ATG7: variants seen among roughly 807,000 people sequenced by gnomAD.
ATG7 encodes the protein ubiquitin-like modifier-activating enzyme ATG7.
Under a neutral mutation model 82.4 loss-of-function variants are expected in ATG7, and 70 were observed. The ratio of observed to expected loss-of-function variants is 0.85; its 90% CI spans 0.70 to 1.04. ATG7 has a LOEUF of 1.04. ATG7 is among the 50% of genes least tolerant of loss of function. ATG7 has a pLI of 0.00. For missense variants in ATG7, 792 were observed against 864.3 expected, an observed-to-expected ratio of 0.92 and a Z score of 1.05; for synonymous variants, 287 against 313.0, an observed-to-expected ratio of 0.92 and a Z score of 0.88.
intron 19 of ATG7, among the ~76,000 whole-genome samples, chr3:11,404,791 A>AG (rs2080175573): frequency 2.0e-5 from 3 of 152,106 alleles, no homozygotes. Context: ...GGGCTTGTGG[A>AG]GGGGAACTCC....
At chr3:11,346,940 C>A (rs1954644567) in intron 13 of ATG7, among the ~76,000 whole-genome samples, 1 of 152,214 alleles carries the variant, frequency 6.6e-6, no homozygotes, top group African/African-American at 2.4e-5. Context: ...CTGAAACCTT[C>A]AATCTAATTG....
At chr3:11,413,977 T>C (rs996349176) in intron 19 of ATG7, among the ~76,000 whole-genome samples, 6 of 146,596 alleles carry the variant, frequency 4.1e-5, no homozygotes, top group Non-Finnish European at 7.6e-5. Flanking sequence ...TCTAGGAATT[T>C]GTCTGTTTCA....
intron 20 of ATG7, among the ~76,000 whole-genome samples, chr3:11,553,599 C>T (rs2072052583): frequency 6.6e-6 from 1 of 152,164 alleles, no homozygotes; most frequent in African/African-American, 2.4e-5. Flanking sequence ...GGGACCTGAC[C>T]CAGAGATAGG....
chr3:11,492,852 G>T (rs1307281630), intron 20 of ATG7, among the ~76,000 whole-genome samples: 1 of 152,242 alleles, frequency 6.6e-6, no homozygotes, highest in East Asian at 1.9e-4. Flanking sequence ...AACAAACTTT[G>T]TGCAGACCCC....
intron 11 of ATG7, among the ~76,000 whole-genome samples, chr3:11,334,245 TTTA>T (rs545035756): frequency 2.6e-5 from 4 of 151,720 alleles, no homozygotes; most frequent in Non-Finnish European, 4.4e-5. Flanking sequence ...TTTCACAACA[TTTA>T]TTATTATTAT....
At chr3:11,452,800 C>A (rs772840756) in intron 20 of ATG7, among the ~76,000 whole-genome samples, 1 of 152,120 alleles carries the variant, frequency 6.6e-6, no homozygotes, top group African/African-American at 2.4e-5. Flanking sequence ...ATAATTATTG[C>A]AGATATTAGT....
At chr3:11,337,227 G>T (rs974500753) in intron 11 of ATG7, among the ~76,000 whole-genome samples, 1 of 152,164 alleles carries the variant, frequency 6.6e-6, no homozygotes, top group Non-Finnish European at 1.5e-5. Flanking sequence ...GGCCAAGGCA[G>T]GCGGATCATG....
chr3:11,438,490 C>T (rs1294930506), intron 20 of ATG7, among the ~76,000 whole-genome samples: 3 of 152,066 alleles, frequency 2.0e-5, no homozygotes, highest in South Asian at 2.1e-4. Context: ...CGCTTGAACC[C>T]GGGAGGTGGA....
intron 19 of ATG7, among the ~76,000 whole-genome samples, chr3:11,401,663 T>C (rs1480129796): frequency 6.6e-6 from 1 of 152,146 alleles, no homozygotes; most frequent in Non-Finnish European, 1.5e-5. Context: ...TCCTTCTGTT[T>C]TATAAGCCAT....
intron 14 of ATG7, chr3:11,348,376 C>A: frequency 5.0e-6 from 1 of 201,442 alleles, no homozygotes; most frequent in South Asian, 9.4e-5. Flanking sequence ...TCAGATGTGT[C>A]TGGAGTTTCT....
intron 7 of ATG7, among the ~76,000 whole-genome samples, chr3:11,312,327 G>T (rs551317708): frequency 1.2e-4 from 18 of 152,264 alleles, no homozygotes; most frequent in African/African-American, 4.3e-4. Flanking sequence ...CATATGTCTG[G>T]AATGCTACCA....
chr3:11,558,888 T>C, downstream of ATG7: 1 of 1,574,744 alleles, frequency 6.4e-7, no homozygotes. Flanking sequence ...ACAGGCACGG[T>C]TGCAGCACCC....
At chr3:11,553,349 C>T (rs1023000351) in intron 20 of ATG7, among the ~76,000 whole-genome samples, 10 of 152,120 alleles carry the variant, frequency 6.6e-5, no homozygotes, top group South Asian at 2.1e-4. Flanking sequence ...GTCTACACAG[C>T]GTGTGGCACA....
chr3:11,468,412 A>G lies in ATG7; in HGVS notation c.2079+41486A>G, dbSNP rs571870212. On this transcript the variant is annotated intron_variant, in intron 20 of 20. Coordinates refer to ENST00000693202, the MANE Select transcript of ATG7 (RefSeq NM_001349232.2). ...CCTCGCCTATCCTCCTCCCCACTCC[A>G]TGTCCCCAGTCCATCCTCTGACTTT... is the stretch of plus-strand genomic sequence containing the variant. Among the ~76,000 whole-genome samples the G allele has an allele frequency of 1.3e-4, 20 of 152,152 alleles. No individual in the cohort carries two copies. The South Asian group carries it at 4.2e-3, about 32-fold the overall frequency.
chr3:11,431,394 A>G (rs925142018), intron 20 of ATG7, among the ~76,000 whole-genome samples: 3 of 152,182 alleles, frequency 2.0e-5, no homozygotes, highest in African/African-American at 7.2e-5. Context: ...GGGGGGAAAA[A>G]AACAACCACA....
At chr3:11,549,077 A>T (rs1427685753) in intron 20 of ATG7, among the ~76,000 whole-genome samples, 31 of 151,564 alleles carry the variant, frequency 2.0e-4, no homozygotes, top group African/African-American at 7.3e-4. Flanking sequence ...TTTTTTTTTC[A>T]ATCAGCTGTA....
chr3:11,495,687 T>C (rs1190360741), intron 20 of ATG7, among the ~76,000 whole-genome samples: 2 of 152,114 alleles, frequency 1.3e-5, no homozygotes, highest in Non-Finnish European at 2.9e-5. Context: ...CTCCTGAAGC[T>C]GTAAGTCAGT....
the ATG7 span, among the ~76,000 whole-genome samples, chr3:11,574,310 C>G: frequency 1.3e-5 from 2 of 152,192 alleles, no homozygotes; most frequent in Non-Finnish European, 2.9e-5. Context: ...AAAGCTTCCT[C>G]TGGACATTTA....
At chr3:11,381,343 A>T (rs1287450782) in intron 19 of ATG7, among the ~76,000 whole-genome samples, 1 of 152,212 alleles carries the variant, frequency 6.6e-6, no homozygotes, top group Non-Finnish European at 1.5e-5. Context: ...GTCTCAAAAT[A>T]ACTTGGCAGT....
Sources: gnomAD v4.1 joint callset for allele counts (sites outside exome capture counted in the v4.1 genomes callset) on GRCh38, gnomAD v4.1.1 for gene constraint, MANE v1.5 for transcripts, NCBI Gene and HGNC (gene_info 2026-07-23, HGNC 2026-07-21) for gene names.